Variants in TGFBR3 observed in about 807,000 individuals in gnomAD.
The protein encoded by TGFBR3 is transforming growth factor beta receptor 3.
In TGFBR3, 46 loss-of-function variants were observed where a neutral mutation model predicts 87.9. That is an observed-to-expected ratio of 0.52 (90% CI 0.41 to 0.67). The LOEUF is 0.67. Among genes scored for constraint, TGFBR3 ranks in the 30% least tolerant of loss-of-function variants. The probability of loss-of-function intolerance (pLI) is 0.00; values close to 1 mark genes in which losing one functional copy is unlikely to be tolerated. For missense variants in TGFBR3, 866 were observed against 1,041.9 expected (o/e 0.83, Z 2.32); for synonymous variants, 381 against 391.6 (o/e 0.97, Z 0.32).
At chr1:91,807,768 ACCACT>A (rs1675888379) in intron 2 of TGFBR3, among the ~76,000 whole-genome samples, 1 of 152,204 alleles carries the variant, frequency 6.6e-6, no homozygotes, top group Admixed American at 6.5e-5. Context: ...CTCAGAAGTC[ACCACT>A]GGACATAGCA....
intron 2 of TGFBR3, chr1:91,801,083 C>CA (rs55862227): frequency 0.013 from 1,842 of 139,422 alleles, 25 homozygotes; most frequent in African/African-American, 0.041. Flanking sequence ...AACTCTGTCT[C>CA]AAAAAAAAAA....
intron 5 of TGFBR3, among the ~76,000 whole-genome samples, chr1:91,732,526 G>A (rs1672810709): frequency 6.6e-6 from 1 of 152,202 alleles, no homozygotes; most frequent in Admixed American, 6.5e-5. Flanking sequence ...TGCGATCGCT[G>A]GGTACAAGAA....
intron 3 of TGFBR3, among the ~76,000 whole-genome samples, chr1:91,765,670 C>T (rs1674153642): frequency 6.6e-6 from 1 of 152,136 alleles, no homozygotes; most frequent in African/African-American, 2.4e-5. Context: ...AACAGTTACG[C>T]AAATAAAAAC....
At chr1:91,733,115 C>T (rs957481634) in intron 5 of TGFBR3, among the ~76,000 whole-genome samples, 12 of 152,180 alleles carry the variant, frequency 7.9e-5, no homozygotes, top group African/African-American at 2.9e-4. Flanking sequence ...CAGAAACAAA[C>T]TTAGACTTTT....
chr1:91,837,864 T>C (rs961806263), intron 2 of TGFBR3, among the ~76,000 whole-genome samples: 3 of 152,140 alleles, frequency 2.0e-5, no homozygotes, highest in Admixed American at 6.6e-5. Context: ...AAAAGAAAAG[T>C]CCCTGGAGTC....
chr1:91,681,123 A>G lies in TGFBR3; in HGVS notation c.*2616T>C, dbSNP rs1670893894. ...GATACAAGAGTTCAGCTGAAATACAACAATACTTTTAAAGAAACTTGTAGT... is the reference window on the plus strand; with the variant it reads ...GATACAAGAGTTCAGCTGAAATACAGCAATACTTTTAAAGAAACTTGTAGT... On this transcript the variant is annotated 3_prime_UTR_variant, in exon 17 of 17. Coordinates refer to ENST00000212355, the MANE Select transcript of TGFBR3 (RefSeq NM_003243.5). 1 of 454,056 alleles carries G rather than the reference A, an allele frequency of 2.2e-6. No individual in the cohort carries two copies. The highest frequency in any genetic ancestry group is 4.4e-6 in the Non-Finnish European group (1 of 226,802). The allele number at this position is 454,056 out of a possible 1,614,324, so 28.1% of individuals were successfully genotyped here.
intron 14 of TGFBR3, among the ~76,000 whole-genome samples, chr1:91,699,066 G>GA (rs1424415188): frequency 2.0e-5 from 3 of 151,468 alleles, no homozygotes; most frequent in African/African-American, 7.3e-5. Flanking sequence ...CCTTTATAGG[G>GA]AAAAAAATCC....
At position 91,773,196 on chromosome 1, in the gene TGFBR3, T is replaced by C. The variant is rs192785417; in HGVS notation, c.247-14446A>G. Among the ~76,000 whole-genome samples, 56 of 152,028 alleles carry C rather than the reference T, an allele frequency of 3.7e-4. No individual in the cohort carries two copies. In the South Asian group the frequency reaches 7.3e-3, roughly 20 times the overall value. ...GAGTTTGAGACCAGCCTGGCCAACA[T>C]AGTGAAACTTTGTCTCTAAAAATAA... On this transcript the variant is annotated intron_variant, in intron 3 of 16. Transcript: ENST00000212355.
At chr1:91,855,404 T>C (rs1677899719) in intron 2 of TGFBR3, among the ~76,000 whole-genome samples, 1 of 152,222 alleles carries the variant, frequency 6.6e-6, no homozygotes, top group Non-Finnish European at 1.5e-5. Flanking sequence ...CCAATAAAAC[T>C]GATTTCCCTG....
At chr1:91,889,296 G>A (rs773014632), upstream of TGFBR3, among the ~76,000 whole-genome samples, 9 of 151,946 alleles carry the variant, frequency 5.9e-5, no homozygotes, top group Non-Finnish European at 1.0e-4. Context: ...TCTTGTCCAC[G>A]ATTCAATCTC....
chr1:91,845,163 G>A (rs1001075388), intron 2 of TGFBR3, among the ~76,000 whole-genome samples: 1 of 152,180 alleles, frequency 6.6e-6, no homozygotes, highest in African/African-American at 2.4e-5. Flanking sequence ...AGGGAGATCT[G>A]ACAACATCAC....
intron 5 of TGFBR3, among the ~76,000 whole-genome samples, chr1:91,732,179 T>A (rs1384427150): frequency 2.0e-5 from 3 of 152,172 alleles, no homozygotes; most frequent in Non-Finnish European, 4.4e-5. Flanking sequence ...TGCAAACACC[T>A]CATTTTCCTG....
At chr1:91,734,292 A>G (rs1672879679) in intron 5 of TGFBR3, among the ~76,000 whole-genome samples, 1 of 152,182 alleles carries the variant, frequency 6.6e-6, no homozygotes, top group Non-Finnish European at 1.5e-5. Flanking sequence ...ATATATTTAA[A>G]TACTTTTCCT....
intron 16 of TGFBR3, among the ~76,000 whole-genome samples, chr1:91,690,221 C>A (rs1326996942): frequency 6.6e-6 from 1 of 152,132 alleles, no homozygotes; most frequent in Non-Finnish European, 1.5e-5. Flanking sequence ...GTTGGCTGAA[C>A]TATATGAGAA....
chr1:91,696,023 C>T (rs1172184961), intron 15 of TGFBR3, among the ~76,000 whole-genome samples: 1 of 152,134 alleles, frequency 6.6e-6, no homozygotes, highest in Non-Finnish European at 1.5e-5. Flanking sequence ...AACAAACTAA[C>T]TAAAAAATCA....
At chr1:91,844,804 T>C (rs1324769807) in intron 2 of TGFBR3, among the ~76,000 whole-genome samples, 4 of 152,176 alleles carry the variant, frequency 2.6e-5, no homozygotes, top group East Asian at 1.9e-4. Flanking sequence ...CTTTTAACCA[T>C]AATAAAGCAG....
chr1:91,780,778 G>A (rs1474380483), intron 3 of TGFBR3, among the ~76,000 whole-genome samples: 25 of 151,362 alleles, frequency 1.7e-4, no homozygotes, highest in African/African-American at 1.2e-4. Context: ...GGCTGGTCTC[G>A]AACTCCTGAC....
intron 3 of TGFBR3, among the ~76,000 whole-genome samples, chr1:91,783,809 A>C (rs1470107217): frequency 6.6e-6 from 1 of 152,224 alleles, no homozygotes; most frequent in African/African-American, 2.4e-5. Context: ...AAAATCAAAA[A>C]AATCAAGTTA....
At chr1:91,854,763 A>T (rs1677874839) in intron 2 of TGFBR3, among the ~76,000 whole-genome samples, 1 of 152,152 alleles carries the variant, frequency 6.6e-6, no homozygotes, top group Non-Finnish European at 1.5e-5. Context: ...ACTATACCAA[A>T]AAGGTCACAG....
Sources: allele counts gnomAD v4.1 joint callset (sites outside exome capture counted in the v4.1 genomes callset), GRCh38; gene constraint gnomAD v4.1.1; transcripts MANE v1.5; gene names NCBI Gene and HGNC (gene_info 2026-07-23, HGNC 2026-07-21).